Variants in AP2A2 observed in about 807,000 individuals in gnomAD.
AP2A2 encodes the protein AP-2 complex subunit alpha-2.
AP2A2 carries 32 observed loss-of-function variants against 104.2 expected under a neutral mutation model. The observed-to-expected ratio is 0.31, with a 90% CI of 0.23 to 0.41. The LOEUF is 0.41. Ranked by LOEUF, AP2A2 falls within the 10% of genes least tolerant of loss-of-function variation. The pLI is 1.00. For synonymous variants in AP2A2, 539 were observed against 533.3 expected, an observed-to-expected ratio of 1.01 and a Z score of -0.15; for missense variants, 912 against 1,261.0, an observed-to-expected ratio of 0.72 and a Z score of 4.19.
chr11:979,117 G>A (rs182406588), intron 5 of AP2A2, among the ~76,000 whole-genome samples: 4 of 152,024 alleles, frequency 2.6e-5, no homozygotes, highest in East Asian at 3.9e-4. Flanking sequence ...GTGGGGCCAC[G>A]TGTCGCGGGC....
intron 4 of AP2A2, among the ~76,000 whole-genome samples, chr11:975,668 C>T (rs1402638885): frequency 1.3e-5 from 2 of 148,816 alleles, no homozygotes; most frequent in African/African-American, 2.5e-5. Context: ...TGTGAGCCGA[C>T]CTCGGAGAGT....
chr11:928,611 G>A (rs1342782005), intron 1 of AP2A2, among the ~76,000 whole-genome samples: 1 of 152,370 alleles, frequency 6.6e-6, no homozygotes, highest in Non-Finnish European at 1.5e-5. Context: ...CCTTAGTTGT[G>A]ATAAGGAACA....
At chr11:977,069 A>G (rs778305562) in intron 4 of AP2A2, 26 bp from the exon 5 acceptor site, 7 of 1,612,692 alleles carry the variant, frequency 4.3e-6, no homozygotes, top group Non-Finnish European at 5.9e-6. Flanking sequence ...GCCTGTTGCG[A>G]GTGACTCTTG....
At chr11:974,349 G>A (rs947107502) in intron 4 of AP2A2, among the ~76,000 whole-genome samples, 2 of 152,194 alleles carry the variant, frequency 1.3e-5, no homozygotes, top group Non-Finnish European at 2.9e-5. Context: ...TTGAAGAAAA[G>A]GGCTAGTTGT....
At chr11:939,280 A>G (rs118094691) in intron 1 of AP2A2, among the ~76,000 whole-genome samples, 108 of 151,536 alleles carry the variant, frequency 7.1e-4, no homozygotes, top group Admixed American at 2.0e-3. Context: ...TTAAGAAGTT[A>G]ATTATAAAAC....
In AP2A2 at chr11:994,077, C is replaced by G. The variant is rs139213036; in HGVS notation, c.1788C>G (p.Thr596=). ...STVASTDILA[T]VLEEMPPFPE... ...CACCCTGTGTTCTTTCCAAGGCGAC[C>G]GTGCTGGAGGAGATGCCCCCATTCC... The change falls in exon 14 of 22, where the codon ACC becomes ACG. Residue 596 remains threonine, a synonymous_variant. Coordinates refer to ENST00000448903, the MANE Select transcript of AP2A2 (RefSeq NM_012305.4). 2.4e-5 allele frequency: 39 copies of G among 1,612,664 alleles called. No individual in the cohort carries two copies. In the African/African-American group the frequency reaches 4.7e-4, roughly 19 times the overall value.
At chr11:994,339 G>A (rs1368498773) in intron 14 of AP2A2, 94 bp downstream of exon 14, 7 of 1,492,332 alleles carry the variant, frequency 4.7e-6, no homozygotes, top group Middle Eastern at 1.8e-4. Context: ...GGAGGAGCAT[G>A]TACTGAGAAC....
intron 6 of AP2A2, among the ~76,000 whole-genome samples, chr11:983,444 ACG>A (rs1564808238): frequency 4.0e-5 from 6 of 151,548 alleles, no homozygotes; most frequent in South Asian, 2.1e-4. Flanking sequence ...GTGCAGTGGC[ACG>A]ATCTTGGCTC....
chr11:1,010,224 C>T (rs898858676), intron 21 of AP2A2: 6 of 501,774 alleles, frequency 1.2e-5, no homozygotes, highest in Admixed American at 3.4e-5. Context: ...CACCTGTCTC[C>T]GTTTCACTTG....
chr11:994,390 C>T, intron 14 of AP2A2, 145 bp downstream of exon 14: 1 of 1,056,468 alleles, frequency 9.5e-7, no homozygotes, highest in Non-Finnish European at 1.3e-6. Flanking sequence ...GCTGTCCTGT[C>T]CTGGGGGCCA....
At chr11:971,670 T>C (rs1854833905) in intron 3 of AP2A2, among the ~76,000 whole-genome samples, 1 of 152,006 alleles carries the variant, frequency 6.6e-6, no homozygotes, top group Non-Finnish European at 1.5e-5. Context: ...TGGAAATTGT[T>C]GTAGCTAAAA....
intron 1 of AP2A2, among the ~76,000 whole-genome samples, chr11:952,149 C>T (rs921547629): frequency 2.0e-5 from 3 of 152,220 alleles, no homozygotes; most frequent in Admixed American, 6.5e-5. Flanking sequence ...GGATTATAGG[C>T]GTGAGCCACT....
intron 10 of AP2A2, among the ~76,000 whole-genome samples, chr11:991,296 C>T (rs569781267): frequency 1.6e-4 from 25 of 152,338 alleles, no homozygotes; most frequent in African/African-American, 5.3e-4. Context: ...TGGAGGGGGA[C>T]GGATTGAGAG....
rs35472837 is a variant in AP2A2, at chr11:927,816, CAAAAAAA to C, written c.67+1746_67+1752del. Among the ~76,000 whole-genome samples the C allele has an allele frequency of 8.3e-3, 574 of 68,834 alleles. 6 individuals carry two copies. The highest frequency in any genetic ancestry group is 0.034 in the African/African-American group (554 of 16,260). The allele number at this position is 68,834 out of a possible 152,430, so 45.2% of individuals were successfully genotyped here. ...GGGTGACAGAGTGAGACCTTTCTCA[CAAAAAAA>C]AAAAAAAAAAAAAAAAAGGCTTAGA... On this transcript the variant is annotated intron_variant, in intron 1 of 21. Transcript: ENST00000448903.
At chr11:984,285 A>G (rs1855370382) in intron 6 of AP2A2, among the ~76,000 whole-genome samples, 1 of 151,992 alleles carries the variant, frequency 6.6e-6, no homozygotes, top group Non-Finnish European at 1.5e-5. Context: ...GTAGGGTCAG[A>G]ATGCCGGCTT....
intron 1 of AP2A2, among the ~76,000 whole-genome samples, chr11:948,119 A>G (rs941156405): frequency 6.6e-5 from 10 of 152,332 alleles, no homozygotes; most frequent in African/African-American, 2.2e-4. Flanking sequence ...CAGAAAAAGC[A>G]CGAACAAAAC....
At chr11:958,124 G>T (rs1854296771) in intron 1 of AP2A2, among the ~76,000 whole-genome samples, 1 of 152,240 alleles carries the variant, frequency 6.6e-6, no homozygotes, top group African/African-American at 2.4e-5. Flanking sequence ...AGTCATAGAG[G>T]TGGGGTCCTA....
rs773344640 is a variant in AP2A2 at position 959,535 on chromosome 11, G to A, written c.136+30G>A. ...GTATGTTTAACCTTTTCCATGAAAT[G>A]TCCTGTTGTAAATTTTCTGTAGTAA... On this transcript the variant is annotated intron_variant, in intron 2 of 21. Coordinates refer to ENST00000448903, the MANE Select transcript of AP2A2 (RefSeq NM_012305.4). 1.8e-5 allele frequency: 25 copies of A among 1,427,702 alleles called. No homozygotes were observed. The Middle Eastern group carries it at 7.2e-4, about 41-fold the overall frequency. The allele number at this position is 1,427,702 out of a possible 1,614,324, so 88.4% of individuals were successfully genotyped here.
At chr11:986,723 T>C in intron 8 of AP2A2, 62 bp from the exon 9 acceptor site, 1 of 1,572,910 alleles carries the variant, frequency 6.4e-7, no homozygotes, top group Non-Finnish European at 8.6e-7. Flanking sequence ...GAACGCAGAC[T>C]CTGTCCAGTT....
Sources: allele counts gnomAD v4.1 joint callset (sites outside exome capture counted in the v4.1 genomes callset), GRCh38; gene constraint gnomAD v4.1.1; transcripts MANE v1.5; gene names NCBI Gene and HGNC (gene_info 2026-07-23, HGNC 2026-07-21).